ROBO2: variants seen among roughly 807,000 people sequenced by gnomAD.
The protein encoded by ROBO2 is roundabout homolog 2.
In ROBO2, 53 loss-of-function variants were observed where a neutral mutation model predicts 160.8. The ratio of observed to expected loss-of-function variants is 0.33; its 90% CI spans 0.26 to 0.41. The LOEUF (loss-of-function observed/expected upper bound fraction) is 0.41. ROBO2 is among the 10% of genes least tolerant of loss of function. The pLI, the probability that ROBO2 is intolerant of heterozygous loss-of-function variation, is 1.00. For missense variants in ROBO2, 1,577 were observed against 1,722.4 expected, an observed-to-expected ratio of 0.92 and a Z score of 1.49; for synonymous variants, 664 against 611.7, an observed-to-expected ratio of 1.09 and a Z score of -1.26.
At chr3:77,021,422 T>A (rs1378315145) in intron 2 of ROBO2, among the ~76,000 whole-genome samples, 1 of 152,076 alleles carries the variant, frequency 6.6e-6, no homozygotes, top group Non-Finnish European at 1.5e-5. Flanking sequence ...TCCCTCAAAG[T>A]ACACAAAAAA....
At chr3:76,852,914 T>C (rs1284520559) in intron 2 of ROBO2, among the ~76,000 whole-genome samples, 1 of 152,100 alleles carries the variant, frequency 6.6e-6, no homozygotes, top group East Asian at 1.9e-4. Flanking sequence ...CAGGCGTCCC[T>C]TAAGAAAATA....
intron 2 of ROBO2, among the ~76,000 whole-genome samples, chr3:76,604,558 A>T (rs1201641503): frequency 6.6e-6 from 1 of 152,136 alleles, no homozygotes; most frequent in Non-Finnish European, 1.5e-5. Flanking sequence ...ATGTGTCCCT[A>T]TTGGCCTAAC....
chr3:76,486,949 C>A (rs1233415246), intron 2 of ROBO2, among the ~76,000 whole-genome samples: 1 of 151,930 alleles, frequency 6.6e-6, no homozygotes, highest in East Asian at 1.9e-4. Context: ...TTTGGAATAC[C>A]CAAGCCAGAG....
At chr3:76,333,382 A>G (rs537810153) in intron 2 of ROBO2, among the ~76,000 whole-genome samples, 1 of 152,344 alleles carries the variant, frequency 6.6e-6, no homozygotes, top group South Asian at 2.1e-4. Flanking sequence ...CACTGAATAG[A>G]TGAGCTGAGC....
At chr3:77,286,962 C>T (rs1463564276) in intron 2 of ROBO2, among the ~76,000 whole-genome samples, 1 of 152,178 alleles carries the variant, frequency 6.6e-6, no homozygotes, top group Non-Finnish European at 1.5e-5. Flanking sequence ...AAGTGAAAGA[C>T]AACTTGGAAT....
chr3:76,555,316 T>A (rs865841640), intron 2 of ROBO2, among the ~76,000 whole-genome samples: 2 of 127,650 alleles, frequency 1.6e-5, no homozygotes, highest in Non-Finnish European at 3.3e-5. Context: ...CCCAGGAGCA[T>A]GTCAAAAAAG....
chr3:76,013,386 T>C (rs1487718854), intron 2 of ROBO2, among the ~76,000 whole-genome samples: 3 of 142,562 alleles, frequency 2.1e-5, no homozygotes, highest in Non-Finnish European at 4.5e-5. Context: ...ATAAAGGCAA[T>C]TGACGACTGG....
chr3:76,401,304 C>T (rs147637265), intron 2 of ROBO2, among the ~76,000 whole-genome samples: 408 of 151,566 alleles, frequency 2.7e-3, no homozygotes, highest in Admixed American at 4.8e-3. Flanking sequence ...TGACACACTA[C>T]GTGACTGTAG....
chr3:76,871,941 A>C (rs1190669215), intron 2 of ROBO2, among the ~76,000 whole-genome samples: 1 of 152,226 alleles, frequency 6.6e-6, no homozygotes, highest in Non-Finnish European at 1.5e-5. Flanking sequence ...GCAACTCAGC[A>C]GTAAGTCTTC....
chr3:76,020,759 G>C (rs2107661178), intron 2 of ROBO2, among the ~76,000 whole-genome samples: 1 of 151,752 alleles, frequency 6.6e-6, no homozygotes, highest in South Asian at 2.1e-4. Context: ...TCTTCTTGTA[G>C]CTCCAGCTTT....
chr3:76,344,403 G>A (rs2047240), intron 2 of ROBO2, among the ~76,000 whole-genome samples: 131,098 of 152,108 alleles, frequency 0.86, 58,007 homozygotes, highest in Non-Finnish European at 0.98. Context: ...GACTTTAAAG[G>A]TATTGGTGAA....
intron 2 of ROBO2, among the ~76,000 whole-genome samples, chr3:76,857,954 C>T (rs1193907476): frequency 6.6e-6 from 1 of 152,134 alleles, no homozygotes; most frequent in Non-Finnish European, 1.5e-5. Flanking sequence ...ATTCCCTCTT[C>T]CTAAAATGTC....
At chr3:77,083,504 T>A (rs1320593010) in intron 1 of ROBO2, among the ~76,000 whole-genome samples, 4 of 152,076 alleles carry the variant, frequency 2.6e-5, no homozygotes, top group African/African-American at 9.7e-5. Flanking sequence ...CCGTTTGCAT[T>A]TTTTCTAGGA....
chr3:76,116,348 T>C (rs969622491), intron 2 of ROBO2, among the ~76,000 whole-genome samples: 5 of 152,190 alleles, frequency 3.3e-5, no homozygotes, highest in African/African-American at 1.2e-4. Context: ...ATGGATATCC[T>C]TAACGGAATC....
At chr3:77,395,077 A>C (rs975653382) in intron 2 of ROBO2, among the ~76,000 whole-genome samples, 5 of 152,144 alleles carry the variant, frequency 3.3e-5, no homozygotes, top group Non-Finnish European at 7.4e-5. Context: ...ATTTGTATAG[A>C]TGCATAACGG....
At chr3:77,119,266 C>A (rs1397173271) in intron 2 of ROBO2, among the ~76,000 whole-genome samples, 1 of 152,112 alleles carries the variant, frequency 6.6e-6, no homozygotes, top group Non-Finnish European at 1.5e-5. Flanking sequence ...TTCTTTATAG[C>A]AGTGTGAAAA....
chr3:77,420,388 A>T (rs1165281707), intron 2 of ROBO2, among the ~76,000 whole-genome samples: 1 of 152,136 alleles, frequency 6.6e-6, no homozygotes, highest in Non-Finnish European at 1.5e-5. Context: ...AATGAAATAA[A>T]ATAAGGTAGA....
intron 2 of ROBO2, among the ~76,000 whole-genome samples, chr3:76,880,499 A>G (rs905471134): frequency 6.6e-6 from 1 of 152,160 alleles, no homozygotes; most frequent in Non-Finnish European, 1.5e-5. Flanking sequence ...ATGAAGACCA[A>G]AGTGGTTTCA....
At chr3:76,631,767 G>A (rs372386419) in intron 2 of ROBO2, among the ~76,000 whole-genome samples, 6 of 152,186 alleles carry the variant, frequency 3.9e-5, no homozygotes, top group East Asian at 1.9e-4. Context: ...CTTCTTGGTC[G>A]GTTGATTAGC....
Sources: allele counts gnomAD v4.1 joint callset (sites outside exome capture counted in the v4.1 genomes callset), GRCh38; gene constraint gnomAD v4.1.1; transcripts MANE v1.5; gene names NCBI Gene and HGNC (gene_info 2026-07-23, HGNC 2026-07-21).